Variants in SHISA9 observed in about 807,000 individuals in gnomAD.
SHISA9 encodes the protein protein shisa-9.
In SHISA9, 13 loss-of-function variants were observed where a neutral mutation model predicts 38.0. The observed-to-expected ratio is 0.34, with a 90% CI of 0.22 to 0.54. SHISA9 has a LOEUF of 0.54. SHISA9 is among the 20% of genes least tolerant of loss of function. The pLI is 0.91. For missense variants in SHISA9, 538 were observed against 575.8 expected (o/e 0.93, Z 0.67); for synonymous variants, 275 against 242.0 (o/e 1.14, Z -1.27).
At chr16:12,966,570 T>A (rs955405194) in intron 2 of SHISA9, among the ~76,000 whole-genome samples, 1 of 152,142 alleles carries the variant, frequency 6.6e-6, no homozygotes, top group African/African-American at 2.4e-5. Context: ...TTATAATCTT[T>A]ATAACAATTC....
At position 12,976,940 on chromosome 16, in the gene SHISA9, C is replaced by T. The variant is rs547551220; in HGVS notation, c.691+60125C>T. ...GGCACTTAACAATGAATCAAAAGAA[C>T]ATTGAGGGTTGCGTGGTTTCTCTGG... On this transcript the variant is annotated intron_variant, in intron 2 of 4. Transcript: ENST00000558583. Among the ~76,000 whole-genome samples the T allele has an allele frequency of 3.3e-5, 5 of 152,268 alleles. No individual in the cohort carries two copies. The South Asian group carries it at 1.0e-3, about 32-fold the overall frequency.
At chr16:13,358,590 C>G in the SHISA9 span, among the ~76,000 whole-genome samples, 1 of 152,166 alleles carries the variant, frequency 6.6e-6, no homozygotes, top group Non-Finnish European at 1.5e-5. Context: ...TTACATTCTT[C>G]AGGACCCAAA....
At chr16:13,304,482 T>A in the SHISA9 span, among the ~76,000 whole-genome samples, 2 of 152,156 alleles carry the variant, frequency 1.3e-5, no homozygotes, top group Admixed American at 1.3e-4. Context: ...GGTCTTGAAT[T>A]CCTGGGTTCA....
intron 2 of SHISA9, among the ~76,000 whole-genome samples, chr16:12,975,761 G>A (rs1411283123): frequency 1.3e-5 from 2 of 151,860 alleles, no homozygotes; most frequent in Non-Finnish European, 1.5e-5. Flanking sequence ...ACTGGAAAAA[G>A]AGGGAAGATG....
At chr16:13,462,790 C>T in the SHISA9 span, among the ~76,000 whole-genome samples, 10 of 151,890 alleles carry the variant, frequency 6.6e-5, no homozygotes, top group East Asian at 1.9e-4. Context: ...GGTGAAACCG[C>T]GTCTCTACTA....
At chr16:13,224,126 G>C (rs1473604464) in intron 4 of SHISA9, among the ~76,000 whole-genome samples, 1 of 152,214 alleles carries the variant, frequency 6.6e-6, no homozygotes, top group East Asian at 1.9e-4. Context: ...CAGTAGCATA[G>C]AACACACACT....
intron 2 of SHISA9, among the ~76,000 whole-genome samples, chr16:13,068,810 T>C (rs1230166394): frequency 6.6e-6 from 1 of 152,226 alleles, no homozygotes; most frequent in Non-Finnish European, 1.5e-5. Flanking sequence ...TGTGTGTACA[T>C]GCAATGTGTG....
chr16:13,541,571 A>G, the SHISA9 span, among the ~76,000 whole-genome samples: 3 of 152,238 alleles, frequency 2.0e-5, no homozygotes, highest in Admixed American at 1.3e-4. Flanking sequence ...GAAGACCTCA[A>G]CATTTAAATG....
the SHISA9 span, among the ~76,000 whole-genome samples, chr16:13,257,134 C>CT: frequency 6.6e-6 from 1 of 152,120 alleles, no homozygotes; most frequent in Non-Finnish European, 1.5e-5. Flanking sequence ...TGTTTTCTGC[C>CT]TTTTTTCCCT....
the SHISA9 span, among the ~76,000 whole-genome samples, chr16:13,538,075 T>G: frequency 6.6e-6 from 1 of 152,172 alleles, no homozygotes; most frequent in Non-Finnish European, 1.5e-5. Context: ...GAGTTTAGGG[T>G]TCTTCAAACA....
At chr16:13,303,359 A>G in the SHISA9 span, among the ~76,000 whole-genome samples, 1 of 152,230 alleles carries the variant, frequency 6.6e-6, no homozygotes. Context: ...AAGTGGATAA[A>G]TAAATTGTGT....
the SHISA9 span, among the ~76,000 whole-genome samples, chr16:13,471,358 G>A: frequency 0.3 from 46,028 of 151,950 alleles, 7,223 homozygotes; most frequent in East Asian, 0.39. Flanking sequence ...TAACATCCAA[G>A]CAAACTTGCA....
the SHISA9 span, among the ~76,000 whole-genome samples, chr16:13,540,412 G>T: frequency 1.3e-5 from 2 of 152,166 alleles, no homozygotes; most frequent in Admixed American, 6.5e-5. Context: ...TCAGGAGTTG[G>T]TATATAAATA....
At chr16:13,262,252 C>A in the SHISA9 span, among the ~76,000 whole-genome samples, 1 of 152,182 alleles carries the variant, frequency 6.6e-6, no homozygotes, top group African/African-American at 2.4e-5. Context: ...GGATTGATAC[C>A]AGCCAGAAAC....
intron 2 of SHISA9, among the ~76,000 whole-genome samples, chr16:13,172,085 TCTC>T (rs1047956887): frequency 1.3e-5 from 2 of 152,082 alleles, no homozygotes; most frequent in African/African-American, 4.8e-5. Flanking sequence ...CCTTCCCTCC[TCTC>T]TTCTGCCTTT....
In SHISA9 at chr16:13,235,469, C is replaced by G. The variant is rs1329051885; in HGVS notation, c.*60C>G. The G allele has an allele frequency of 2.7e-6, 4 of 1,465,128 alleles. No homozygotes were observed. The highest frequency in any genetic ancestry group is 3.6e-6 in the Non-Finnish European group (4 of 1,109,370). 90.8% of individuals were successfully genotyped at this position (1,465,128 alleles called of 1,614,324 possible). ...TCAACTGAGAGAGGCAAAAAACAAC[C>G]CCGCCCACACCCTCCCCATCCTCCC... is the stretch of plus-strand genomic sequence containing the variant. On this transcript the variant is annotated 3_prime_UTR_variant, in exon 5 of 5. Coordinates refer to ENST00000558583, the MANE Select transcript of SHISA9 (RefSeq NM_001145204.3).
At chr16:13,001,210 G>C (rs375843173) in intron 2 of SHISA9, among the ~76,000 whole-genome samples, 1 of 152,210 alleles carries the variant, frequency 6.6e-6, no homozygotes, top group East Asian at 1.9e-4. Flanking sequence ...TTACAGGCGT[G>C]AGCCACCGTG....
At position 12,902,855 on chromosome 16, in the gene SHISA9, T is replaced by A. The variant is rs2071038695; in HGVS notation, c.563+228T>A. 3 of 548,666 alleles carry A rather than the reference T, an allele frequency of 5.5e-6. No homozygotes were observed. The African/African-American group carries it at 5.8e-5, about 11-fold the overall frequency. 34.0% of individuals were successfully genotyped at this position (548,666 alleles called of 1,614,324 possible). On this transcript the variant is annotated intron_variant, in intron 1 of 4. Transcript: ENST00000558583. ...GTGTTCGTGTGTGTGTGAGCGTGTG[T>A]GTGTGTGTGTGTGACTCTGCTCCCT...
chr16:13,173,382 A>G (rs2050704838), intron 2 of SHISA9, among the ~76,000 whole-genome samples: 1 of 140,774 alleles, frequency 7.1e-6, no homozygotes, highest in South Asian at 2.2e-4. Context: ...GCATGTACAC[A>G]CACACACACA....
Sources: allele counts gnomAD v4.1 joint callset (sites outside exome capture counted in the v4.1 genomes callset), GRCh38; gene constraint gnomAD v4.1.1; transcripts MANE v1.5; gene names NCBI Gene and HGNC (gene_info 2026-07-23, HGNC 2026-07-21).